Variants in PRPSAP1 observed in about 807,000 individuals in gnomAD.
PRPSAP1 encodes phosphoribosyl pyrophosphate synthase-associated protein 1.
In PRPSAP1, 31 loss-of-function variants were observed where a neutral mutation model predicts 39.4. The ratio of observed to expected loss-of-function variants is 0.79; its 90% CI spans 0.59 to 1.06. PRPSAP1 has a LOEUF of 1.06. PRPSAP1 is among the 50% of genes least tolerant of loss of function. The pLI, the probability that PRPSAP1 is intolerant of heterozygous loss-of-function variation, is 0.00. For missense variants in PRPSAP1, 430 were observed against 511.6 expected (o/e 0.84, Z 1.54); for synonymous variants, 212 against 192.6 (o/e 1.10, Z -0.83).
At chr17:76,343,573 G>A (rs764216312) in intron 3 of PRPSAP1, among the ~76,000 whole-genome samples, 1 of 152,182 alleles carries the variant, frequency 6.6e-6, no homozygotes, top group African/African-American at 2.4e-5. Flanking sequence ...GGTGGCTCAC[G>A]CCTGAAATCC....
At chr17:76,334,544 C>T (rs772533804) in intron 3 of PRPSAP1, among the ~76,000 whole-genome samples, 1 of 152,302 alleles carries the variant, frequency 6.6e-6, no homozygotes, top group Non-Finnish European at 1.5e-5. Context: ...ATGTTTTCCA[C>T]TTCCAGGTTC....
At chr17:76,334,264 G>A (rs1598531063) in intron 3 of PRPSAP1, among the ~76,000 whole-genome samples, 1 of 151,412 alleles carries the variant, frequency 6.6e-6, no homozygotes, top group Non-Finnish European at 1.5e-5. Flanking sequence ...GGTTCTTCAG[G>A]TACCAGTTCT....
chr17:76,320,772 A>G (rs1396183482), intron 7 of PRPSAP1, among the ~76,000 whole-genome samples: 1 of 140,482 alleles, frequency 7.1e-6, no homozygotes, highest in African/African-American at 2.5e-5. Context: ...AGTCTATGGG[A>G]GCCATTTTTC....
Position 76,312,999 on chromosome 17 carries a change from ATCG to A in PRPSAP1, c.867_869del (p.Asp290del). Reference sequence around the variant, plus strand: ...CCGCGGCAGCAACAAAACTCTCCACATCGTCAATAATGTCATCCTGGGAGGAGA... The same window carrying A: ...CCGCGGCAGCAACAAAACTCTCCACATCAATAATGTCATCCTGGGAGGAGA... On this transcript the variant is annotated inframe_deletion, in exon 9 of 10. Coordinates refer to ENST00000446526, the MANE Select transcript of PRPSAP1 (RefSeq NM_002766.3). The A allele has an allele frequency of 6.2e-7, 1 of 1,613,766 alleles. No homozygotes were observed. The highest frequency in any genetic ancestry group is 1.1e-5 in the South Asian group (1 of 91,052).
chr17:76,328,895 A>G lies in PRPSAP1; in HGVS notation c.636-33T>C, dbSNP rs181581554. The G allele has an allele frequency of 5.1e-5, 81 of 1,583,154 alleles. No homozygotes were observed. The East Asian group carries it at 1.6e-3, about 32-fold the overall frequency. ...GACAAAGGGAAATGGTGAAACTGAC[A>G]GGAAGAAATCCCACGCATCACTACG... is the stretch of plus-strand genomic sequence containing the variant. On this transcript the variant is annotated intron_variant, in intron 6 of 9. Coordinates refer to ENST00000446526, the MANE Select transcript of PRPSAP1 (RefSeq NM_002766.3).
chr17:76,338,052 A>T (rs2071397441), intron 3 of PRPSAP1, among the ~76,000 whole-genome samples: 2 of 152,212 alleles, frequency 1.3e-5, no homozygotes, highest in African/African-American at 4.8e-5. Context: ...ATCTCTGAGT[A>T]TCGCACAGTT....
chr17:76,325,074 A>G (rs2071240149), intron 7 of PRPSAP1, among the ~76,000 whole-genome samples: 1 of 149,162 alleles, frequency 6.7e-6, no homozygotes, highest in South Asian at 2.1e-4. Flanking sequence ...CAAAACAAAA[A>G]AAAAAAAAAG....
intron 8 of PRPSAP1, 96 bp downstream of exon 8, chr17:76,313,724 CG>C: frequency 1.5e-6 from 2 of 1,328,600 alleles, no homozygotes; most frequent in South Asian, 2.4e-5. Flanking sequence ...TGGATCCATT[CG>C]GATCATCGTT....
In PRPSAP1 at chr17:76,348,511, G is replaced by T. The variant is rs2071534501; in HGVS notation, c.223+18C>A. On this transcript the variant is annotated intron_variant, in intron 2 of 9. Transcript: ENST00000446526. ...AAATAAAAAATAATTTTAAAAAAAAGAAATAATTTTAACTTACCTCCATTG... is the reference window on the plus strand; with the variant it reads ...AAATAAAAAATAATTTTAAAAAAAATAAATAATTTTAACTTACCTCCATTG... 7.2e-7 allele frequency: 1 copy of T among 1,386,424 alleles called. No homozygotes were observed. The highest frequency in any genetic ancestry group is 1.5e-5 in the African/African-American group (1 of 65,724). 85.9% of individuals were successfully genotyped at this position (1,386,424 alleles called of 1,614,324 possible).
intron 3 of PRPSAP1, among the ~76,000 whole-genome samples, chr17:76,339,107 C>A: frequency 6.6e-6 from 1 of 151,652 alleles, no homozygotes; most frequent in Non-Finnish European, 1.5e-5. Flanking sequence ...TCAAGCACTA[C>A]AAAAACTAGT....
chr17:76,312,401 C>A (rs1308052866), intron 9 of PRPSAP1, among the ~76,000 whole-genome samples: 1 of 151,316 alleles, frequency 6.6e-6, no homozygotes, highest in Non-Finnish European at 1.5e-5. Context: ...TGCCACACTG[C>A]ACTCCCAGCC....
chr17:76,344,189 G>A (rs868203934), intron 3 of PRPSAP1, among the ~76,000 whole-genome samples: 4 of 152,060 alleles, frequency 2.6e-5, no homozygotes, highest in South Asian at 4.1e-4. Flanking sequence ...GTGCAGTGGC[G>A]CGATCTCGGC....
chr17:76,352,388 G>A (rs2071584881), intron 1 of PRPSAP1, among the ~76,000 whole-genome samples: 1 of 152,186 alleles, frequency 6.6e-6, no homozygotes, highest in Non-Finnish European at 1.5e-5. Context: ...GCTGAAGCCT[G>A]TAATCCCAGC....
At chr17:76,348,631 A>T (rs1437867171) in intron 1 of PRPSAP1, 50 bp from the exon 2 acceptor site, 2 of 1,436,292 alleles carry the variant, frequency 1.4e-6, no homozygotes, top group Non-Finnish European at 1.9e-6. Context: ...CTCTTTTTAA[A>T]AAAATTCCAG....
chr17:76,347,484 C>CAAAAAAA (rs71161289), intron 2 of PRPSAP1, among the ~76,000 whole-genome samples: 18 of 25,216 alleles, frequency 7.1e-4, no homozygotes, highest in South Asian at 2.3e-3. Context: ...AAGACTCCGT[C>CAAAAAAA]AAAAAAAAAA....
At chr17:76,338,297 C>T (rs902899979) in intron 3 of PRPSAP1, among the ~76,000 whole-genome samples, 10 of 152,296 alleles carry the variant, frequency 6.6e-5, no homozygotes, top group South Asian at 2.1e-4. Flanking sequence ...AATGTCTAAG[C>T]TTTGGTCTGT....
intron 3 of PRPSAP1, among the ~76,000 whole-genome samples, chr17:76,335,799 C>G (rs188340455): frequency 6.6e-6 from 1 of 152,116 alleles, no homozygotes; most frequent in Admixed American, 6.6e-5. Context: ...CCAGCCTGGG[C>G]AACATAGCAA....
At chr17:76,313,925 C>T (rs377279929) in intron 7 of PRPSAP1, 34 bp from the exon 8 acceptor site, 24 of 1,606,736 alleles carry the variant, frequency 1.5e-5, no homozygotes, top group Non-Finnish European at 2.0e-5. Context: ...AGATCTCAGT[C>T]ATTCATGTAT....
intron 3 of PRPSAP1, among the ~76,000 whole-genome samples, chr17:76,343,242 G>C (rs2071459537): frequency 6.6e-6 from 1 of 152,226 alleles, no homozygotes; most frequent in African/African-American, 2.4e-5. Flanking sequence ...CTCCCTGTCA[G>C]GCGATGAGAA....
Sources: gnomAD v4.1 joint callset for allele counts (sites outside exome capture counted in the v4.1 genomes callset) on GRCh38, gnomAD v4.1.1 for gene constraint, MANE v1.5 for transcripts, NCBI Gene and HGNC (gene_info 2026-07-23, HGNC 2026-07-21) for gene names.